Variants in RALGPS2 observed in about 807,000 individuals in gnomAD.
The protein encoded by RALGPS2 is Ral GEF with PH domain and SH3 binding motif 2.
Under a neutral mutation model 86.8 loss-of-function variants are expected in RALGPS2, and 43 were observed. That is an observed-to-expected ratio of 0.50 (90% CI 0.39 to 0.64). RALGPS2 has a LOEUF of 0.64. RALGPS2 is among the 30% of genes least tolerant of loss of function. The pLI is 0.00. For missense variants in RALGPS2, 536 were observed against 694.6 expected (o/e 0.77, Z 2.57); for synonymous variants, 243 against 231.3 (o/e 1.05, Z -0.46).
Position 178,898,867 on chromosome 1 carries a change from A to G in RALGPS2, c.1524+1111A>G, listed in dbSNP as rs547185802. On this transcript the variant is annotated intron_variant, in intron 17 of 19. Coordinates refer to ENST00000367635, the MANE Select transcript of RALGPS2 (RefSeq NM_152663.5). Reference sequence around the variant, plus strand: ...TCTGGTCAAATTGACAATAATGCCTATATACCCTACAACATTTACATAGAT... The same window carrying G: ...TCTGGTCAAATTGACAATAATGCCTGTATACCCTACAACATTTACATAGAT... 5.9e-5 allele frequency among the ~76,000 whole-genome samples: 9 copies of G among 152,092 alleles called. No homozygotes were observed. The South Asian group carries it at 1.9e-3, about 32-fold the overall frequency.
intron 8 of RALGPS2, among the ~76,000 whole-genome samples, chr1:178,872,470 C>G (rs1658810802): frequency 6.6e-6 from 1 of 152,170 alleles, no homozygotes; most frequent in Non-Finnish European, 1.5e-5. Flanking sequence ...TCTGCCTGCA[C>G]CTTCTCAGCT....
chr1:178,838,057 C>T (rs7521769), intron 8 of RALGPS2, among the ~76,000 whole-genome samples: 7,948 of 152,286 alleles, frequency 0.052, 722 homozygotes, highest in African/African-American at 0.18. Flanking sequence ...GAGCCCACCG[C>T]AGCTCAAGGA....
intron 1 of RALGPS2, among the ~76,000 whole-genome samples, chr1:178,767,940 A>G (rs1197920916): frequency 6.6e-6 from 1 of 152,178 alleles, no homozygotes; most frequent in Admixed American, 6.5e-5. Flanking sequence ...ACAGAGCACA[A>G]CTATAGGCCA....
chr1:178,891,086 T>A, intron 14 of RALGPS2, among the ~76,000 whole-genome samples: 1 of 152,082 alleles, frequency 6.6e-6, no homozygotes, highest in East Asian at 1.9e-4. Context: ...TGTTAAATAA[T>A]CTGTTCTCAT....
intron 1 of RALGPS2, among the ~76,000 whole-genome samples, chr1:178,736,168 T>C (rs1011142188): frequency 6.6e-6 from 1 of 151,108 alleles, no homozygotes; most frequent in Non-Finnish European, 1.5e-5. Context: ...GTGGGTTGTT[T>C]TTTTTTTTTT....
intron 1 of RALGPS2, among the ~76,000 whole-genome samples, chr1:178,727,645 G>T (rs1650102104): frequency 6.6e-6 from 1 of 152,132 alleles, no homozygotes; most frequent in Admixed American, 6.6e-5. Context: ...TACCTGGTAC[G>T]AGTCTTTTTA....
Position 178,828,230 on chromosome 1 carries a change from T to G in RALGPS2, c.481-5194T>G, listed in dbSNP as rs565828815. Among the ~76,000 whole-genome samples, 10 of 152,338 alleles carry G rather than the reference T, an allele frequency of 6.6e-5. No homozygotes were observed. The East Asian group carries it at 1.7e-3, about 26-fold the overall frequency. On this transcript the variant is annotated intron_variant, in intron 7 of 19. Transcript: ENST00000367635. ...GGGGTTAATATCCAAAATACAGTCA[T>G]GCATGGCTTAACAATGAGGATACTT...
At chr1:178,867,714 C>T (rs77286370) in intron 8 of RALGPS2, among the ~76,000 whole-genome samples, 556 of 151,990 alleles carry the variant, frequency 3.7e-3, no homozygotes, top group African/African-American at 0.011. Context: ...CACGTTCTGC[C>T]AGATCATTTT....
chr1:178,892,969 T>C (rs1434542358), intron 15 of RALGPS2, among the ~76,000 whole-genome samples: 2 of 152,128 alleles, frequency 1.3e-5, no homozygotes, highest in Non-Finnish European at 2.9e-5. Context: ...TCCGTGCATG[T>C]ACCTCCCTGA....
chr1:178,857,427 T>C (rs879931425), intron 8 of RALGPS2, among the ~76,000 whole-genome samples: 14 of 152,082 alleles, frequency 9.2e-5, no homozygotes, highest in Non-Finnish European at 1.9e-4. Flanking sequence ...GAAACAACCT[T>C]AGAGTCAAGT....
At position 178,892,265 on chromosome 1, in the gene RALGPS2, G is replaced by A. The variant is rs1211055707; in HGVS notation, c.1283G>A (p.Arg428Lys). Residue 428 changes from arginine (R) to lysine (K), a missense_variant, in exon 15 of 20, where the codon AGA (arginine) becomes AAA (lysine). Transcript: ENST00000367635. Reference protein sequence around the residue: ...RLYHSLGPVTRVARNGYRSHM... With the variant: ...RLYHSLGPVTKVARNGYRSHM... ...TACCATTCTCTCGGCCCGGTGACAA[G>A]AGTGGCACGAAATGGCTATCGAAGT... is the stretch of plus-strand genomic sequence containing the variant. 6.2e-7 allele frequency: 1 copy of A among 1,612,702 alleles called. No individual in the cohort carries two copies. The highest frequency in any genetic ancestry group is 1.3e-5 in the African/African-American group (1 of 74,836).
intron 6 of RALGPS2, among the ~76,000 whole-genome samples, chr1:178,814,479 A>G (rs1439488883): frequency 1.3e-5 from 2 of 152,114 alleles, no homozygotes; most frequent in Non-Finnish European, 2.9e-5. Context: ...TCTGTCACCC[A>G]GGCTGAAGGC....
intron 8 of RALGPS2, among the ~76,000 whole-genome samples, chr1:178,840,874 C>G (rs1656571557): frequency 6.6e-6 from 1 of 152,208 alleles, no homozygotes; most frequent in Non-Finnish European, 1.5e-5. Flanking sequence ...GTAAACACCT[C>G]TCTGCACATA....
chr1:178,776,867 TC>T (rs1261158854), intron 2 of RALGPS2, 46 bp downstream of exon 2: 3 of 1,497,596 alleles, frequency 2.0e-6, no homozygotes, highest in Non-Finnish European at 2.8e-6. Context: ...TACCTGGCTT[TC>T]TAATTTTTCA....
intron 2 of RALGPS2, among the ~76,000 whole-genome samples, chr1:178,777,106 C>G (rs1156552792): frequency 3.1e-4 from 39 of 124,886 alleles, no homozygotes; most frequent in African/African-American, 1.1e-3. Context: ...CCCCCCTCCC[C>G]CCACCCCACC....
intron 4 of RALGPS2, among the ~76,000 whole-genome samples, chr1:178,791,028 A>C (rs1032039296): frequency 3.3e-5 from 5 of 152,226 alleles, no homozygotes; most frequent in Admixed American, 6.5e-5. Flanking sequence ...TGTGTCCATT[A>C]TATCAATATT....
chr1:178,879,808 A>AT (rs1659160690), intron 10 of RALGPS2: 1 of 151,504 alleles, frequency 6.6e-6, no homozygotes, highest in Non-Finnish European at 1.5e-5. Context: ...AAAAAAAAAA[A>AT]AGATTGTTTG....
chr1:178,885,410 G>T, intron 12 of RALGPS2, 199 bp downstream of exon 12: 1 of 543,132 alleles, frequency 1.8e-6, no homozygotes, highest in Non-Finnish European at 3.1e-6. Context: ...ATGGGATTTT[G>T]TCAACAATGC....
chr1:178,921,293 A>G lies in RALGPS2; in HGVS notation c.*4934A>G, dbSNP rs1219808520. On this transcript the variant is annotated 3_prime_UTR_variant, in exon 20 of 20. Coordinates refer to ENST00000367635, the MANE Select transcript of RALGPS2 (RefSeq NM_152663.5). Reference sequence around the variant, plus strand: ...CTCTTTTTTTTCTTAATAGAAAAGCAGAAACTTCATAAATAATAGCTGTGC... The same window carrying G: ...CTCTTTTTTTTCTTAATAGAAAAGCGGAAACTTCATAAATAATAGCTGTGC... 6.6e-6 allele frequency: 1 copy of G among 152,052 alleles called. No individual in the cohort carries two copies. The highest frequency in any genetic ancestry group is 6.6e-5 in the Admixed American group (1 of 15,250). The allele number at this position is 152,052 out of a possible 1,614,324, so 9.4% of individuals were successfully genotyped here. A position where few individuals can be genotyped will look rare whatever the true frequency, so the allele number is the denominator to read the frequency against.
Sources: allele counts gnomAD v4.1 joint callset (sites outside exome capture counted in the v4.1 genomes callset), GRCh38; gene constraint gnomAD v4.1.1; transcripts MANE v1.5; gene names NCBI Gene and HGNC (gene_info 2026-07-23, HGNC 2026-07-21).